THBS2: variants seen among roughly 807,000 people sequenced by gnomAD.
THBS2 encodes the protein thrombospondin 2.
THBS2 carries 47 observed loss-of-function variants against 135.2 expected under a neutral mutation model. The ratio of observed to expected loss-of-function variants is 0.35; its 90% CI spans 0.28 to 0.44. The LOEUF (loss-of-function observed/expected upper bound fraction) is 0.44, where lower values mean the gene tolerates loss of function less well. THBS2 is among the 20% of genes least tolerant of loss of function. The probability of loss-of-function intolerance (pLI) is 1.00; values close to 1 mark genes in which losing one functional copy is unlikely to be tolerated. For missense variants in THBS2, 1,288 were observed against 1,603.1 expected (o/e 0.80, Z 3.36); for synonymous variants, 639 against 633.8 (o/e 1.01, Z -0.12).
At chr6:169,249,955 G>A (rs1000231237) in intron 2 of THBS2, among the ~76,000 whole-genome samples, 82 of 152,050 alleles carry the variant, frequency 5.4e-4, no homozygotes, top group African/African-American at 1.9e-3. Flanking sequence ...GCGTGAACCC[G>A]GGAGGCAGAG....
chr6:169,239,075 A>G, intron 7 of THBS2: 1 of 153,612 alleles, frequency 6.5e-6, no homozygotes, highest in Non-Finnish European at 1.5e-5. Context: ...CTGAGTTTCC[A>G]GGGTGGCCCA....
intron 10 of THBS2, chr6:169,234,461 T>A (rs1246515955): frequency 9.2e-6 from 3 of 324,464 alleles, no homozygotes; most frequent in Admixed American, 5.4e-5. Flanking sequence ...CTACCCACAT[T>A]CCACAGGCCA....
At chr6:169,218,586 G>C (rs563180229) in intron 21 of THBS2, among the ~76,000 whole-genome samples, 65 of 136,878 alleles carry the variant, frequency 4.7e-4, no homozygotes, top group African/African-American at 1.7e-3. Flanking sequence ...GGATGGATGA[G>C]ATGGGTGGGT....
rs1023633286 is a variant in THBS2 at position 169,252,672 on chromosome 6, G to A, written c.-23+1052C>T. Among the ~76,000 whole-genome samples the A allele has an allele frequency of 3.9e-5, 6 of 152,110 alleles. No individual in the cohort carries two copies. Among genetic ancestry groups the A allele is most frequent in the Non-Finnish European group, 8.8e-5 (6 of 68,010 alleles). Reference sequence around the variant, plus strand: ...GAAGGATGAGCAGCCAGGCTACCTGGCCTCAGCCCATCCAGGGACACCGGG... The same window carrying A: ...GAAGGATGAGCAGCCAGGCTACCTGACCTCAGCCCATCCAGGGACACCGGG... On this transcript the variant is annotated intron_variant, in intron 1 of 21. Transcript: ENST00000617924. This position sits in a 1 kb window ranked among gnomAD's most constrained non-coding sequence, Gnocchi z 4.3.
intron 8 of THBS2, 38 bp from the exon 9 acceptor site, chr6:169,237,384 C>T: frequency 6.2e-7 from 1 of 1,610,700 alleles, no homozygotes. Context: ...GCTGTGCCGC[C>T]TAGAGGGGTA....
chr6:169,222,136 G>A (rs1386583491), intron 19 of THBS2, 61 bp downstream of exon 19: 8 of 1,525,778 alleles, frequency 5.2e-6, no homozygotes, highest in Non-Finnish European at 7.0e-6. Flanking sequence ...TAGTCCTGCT[G>A]AAACACTCTG....
chr6:169,239,544 A>G lies in THBS2; in HGVS notation c.1129+55T>C, dbSNP rs541527449. The G allele has an allele frequency of 2.0e-6, 3 of 1,484,916 alleles. No individual in the cohort carries two copies. In the African/African-American group the frequency reaches 4.2e-5, roughly 21 times the overall value. The allele number at this position is 1,484,916 out of a possible 1,614,324, so 92.0% of individuals were successfully genotyped here. A position where few individuals can be genotyped will look rare whatever the true frequency, so the allele number is the denominator to read the frequency against. On this transcript the variant is annotated intron_variant, in intron 7 of 21. Coordinates refer to ENST00000617924, the MANE Select transcript of THBS2 (RefSeq NM_003247.5). ...AACCAACCAATGAATAAATAAACAA[A>G]CAAGCATGGAATTCCTAAAAATGCA...
rs773112452 is a variant in THBS2, at chr6:169,221,523, C to T, written c.3278G>A (p.Arg1093Gln). ...GTTCCTGGGGTCGTGCCATAAGGTT[C>T]GCACCTGAGAGAGAACATAGCACTC... ...WHTGNTPGQV[R>Q]TLWHDPRNIG... Residue 1093 changes from arginine (R) to glutamine (Q), a missense_variant, in exon 20 of 22, where the codon CGA becomes CAA. By Grantham distance (43) the Arg-to-Gln change is conservative (BLOSUM62 1). Transcript: ENST00000617924. The T allele has an allele frequency of 2.9e-5, 47 of 1,613,708 alleles. No individual in the cohort carries two copies. The highest frequency in any genetic ancestry group is 4.5e-5 in the East Asian group (2 of 44,884).
rs748530568 is a variant in THBS2 at position 169,220,349 on chromosome 6, G to A, written c.3372-12C>T. 6.3e-7 allele frequency: 1 copy of A among 1,590,256 alleles called. No homozygotes were observed. Among genetic ancestry groups the A allele is most frequent in the Non-Finnish European group, 8.6e-7 (1 of 1,168,530 alleles). ...CATGCACTAAGACTCTAAAAATGGT[G>A]TTTAAAAAGAAGAAGAGGAAAGAAA... On this transcript the variant is annotated splice_polypyrimidine_tract_variant and intron_variant, in intron 20 of 21. Transcript: ENST00000617924.
rs1491276406 is a variant in THBS2 at position 169,217,837 on chromosome 6, AAG to A, written c.3512-10_3512-9del. The A allele has an allele frequency of 6.5e-7, 1 of 1,536,136 alleles. No homozygotes were observed. The highest frequency in any genetic ancestry group is 8.7e-7 in the Non-Finnish European group (1 of 1,148,548). On this transcript the variant is annotated splice_polypyrimidine_tract_variant and intron_variant, in intron 21 of 21. Transcript: ENST00000617924. The stretch of plus-strand genomic sequence containing the variant: ...CAAATCTTGTTTAAATATCTACAAA[AAG>A]AAAAAAAAAAGCAATAAACAATTAG...
rs1342663785 is a variant in THBS2 at position 169,241,045 on chromosome 6, C to T, written c.892-453G>A. On this transcript the variant is annotated intron_variant, in intron 5 of 21. Transcript: ENST00000617924. This position sits in a 1 kb window ranked among gnomAD's most constrained non-coding sequence, Gnocchi z 5.5. ...CCTCCCTGCCCCAGGCTCCTGCCCT[C>T]GCCGCCCTCCCTGCCCCGGACTCCT... 1.3e-5 allele frequency among the ~76,000 whole-genome samples: 2 copies of T among 149,068 alleles called. No homozygotes were observed. Among genetic ancestry groups the T allele is most frequent in the Non-Finnish European group, 3.0e-5 (2 of 67,502 alleles).
At chr6:169,233,308 C>T (rs371907146) in intron 10 of THBS2, among the ~76,000 whole-genome samples, 80 of 152,058 alleles carry the variant, frequency 5.3e-4, no homozygotes, top group African/African-American at 1.8e-3. Context: ...CAACTGCCTA[C>T]GCACCAGGTT....
chr6:169,223,202 TC>T, intron 18 of THBS2, 45 bp downstream of exon 18: 1 of 1,573,256 alleles, frequency 6.4e-7, no homozygotes, highest in Non-Finnish European at 8.7e-7. Context: ...TGTGGGCGCC[TC>T]CCCCGGAGAA....
rs376042850 is a variant in THBS2 at position 169,240,646 on chromosome 6, C to T, written c.892-54G>A. 65 of 1,575,188 alleles carry T rather than the reference C, an allele frequency of 4.1e-5. No individual in the cohort carries two copies. The South Asian group carries it at 7.0e-4, about 17-fold the overall frequency. On this transcript the variant is annotated intron_variant, in intron 5 of 21. Transcript: ENST00000617924. ...TAGACAATAATACTACATATTTAGT[C>T]ATCATGCTTGTGGATGAAAAACAAA...
Position 169,231,913 on chromosome 6 carries a change from C to T in THBS2, c.2151+67G>A, listed in dbSNP as rs1779849029. ...CTGCCCCCGCCCCCCGTCCGCGTAG[C>T]GTCCCCGGCGCCAGGAGGAGGGCTG... On this transcript the variant is annotated intron_variant, in intron 13 of 21. Transcript: ENST00000617924. 5 of 1,564,232 alleles carry T rather than the reference C, an allele frequency of 3.2e-6. No individual in the cohort carries two copies. The Admixed American group carries it at 7.0e-5, about 22-fold the overall frequency.
intron 5 of THBS2, among the ~76,000 whole-genome samples, chr6:169,240,988 C>T (rs1024953501): frequency 6.7e-6 from 1 of 149,964 alleles, no homozygotes; most frequent in Non-Finnish European, 1.5e-5. Context: ...GCCCTCGCCA[C>T]CCTCCCTGCC....
intron 10 of THBS2, among the ~76,000 whole-genome samples, chr6:169,233,248 C>T (rs1329185811): frequency 6.6e-6 from 1 of 152,050 alleles, no homozygotes. Context: ...TATGACTACA[C>T]GCCACGGGCC....
chr6:169,220,092 A>C (rs923823037), intron 21 of THBS2, 106 bp downstream of exon 21: 6 of 1,409,442 alleles, frequency 4.3e-6, no homozygotes, highest in Non-Finnish European at 5.8e-6. Context: ...CATTAGGTTT[A>C]TTGCCCTGAT....
intron 4 of THBS2, among the ~76,000 whole-genome samples, chr6:169,244,164 G>GGT (rs888973638): frequency 3.3e-5 from 4 of 120,334 alleles, no homozygotes; most frequent in Non-Finnish European, 6.9e-5. Flanking sequence ...ATTTCTCTGT[G>GGT]TTTTTTTTTT....
Sources: gnomAD v4.1 joint callset for allele counts (sites outside exome capture counted in the v4.1 genomes callset) on GRCh38, gnomAD v4.1.1 for gene constraint, Gnocchi (gnomAD v3.1) non-coding constraint, MANE v1.5 for transcripts, NCBI Gene and HGNC (gene_info 2026-07-23, HGNC 2026-07-21) for gene names.